TMEM117: variants seen among roughly 807,000 people sequenced by gnomAD.
TMEM117 encodes transmembrane protein 117.
In TMEM117, 27 loss-of-function variants were observed where a neutral mutation model predicts 52.4. The ratio of observed to expected loss-of-function variants is 0.51; its 90% CI spans 0.38 to 0.71. The LOEUF (loss-of-function observed/expected upper bound fraction) is 0.71. TMEM117 is among the 30% of genes least tolerant of loss of function. TMEM117 has a pLI of 0.00. For synonymous variants in TMEM117, 215 were observed against 206.3 expected, an observed-to-expected ratio of 1.04 and a Z score of -0.36; for missense variants, 556 against 630.5, an observed-to-expected ratio of 0.88 and a Z score of 1.26.
At chr12:43,946,708 T>C (rs1266892698) in intron 3 of TMEM117, among the ~76,000 whole-genome samples, 1 of 152,210 alleles carries the variant, frequency 6.6e-6, no homozygotes. Flanking sequence ...GTCCGATTGA[T>C]GGTTGACCCT....
intron 3 of TMEM117, among the ~76,000 whole-genome samples, chr12:43,976,993 G>T (rs1020975506): frequency 6.6e-6 from 1 of 152,170 alleles, no homozygotes; most frequent in Admixed American, 6.6e-5. Flanking sequence ...CCCACTAGGG[G>T]TATGTTAACC....
the TMEM117 span, among the ~76,000 whole-genome samples, chr12:44,398,410 G>A: frequency 0.013 from 1,951 of 152,260 alleles, 25 homozygotes; most frequent in South Asian, 0.026. Context: ...CCAAAGGAAA[G>A]CCATACAGAC....
intron 2 of TMEM117, among the ~76,000 whole-genome samples, chr12:43,893,816 T>G (rs1944150689): frequency 6.6e-6 from 1 of 152,222 alleles, no homozygotes; most frequent in Admixed American, 6.5e-5. Flanking sequence ...TTTTGTGGGT[T>G]AGAAATACAT....
intron 4 of TMEM117, among the ~76,000 whole-genome samples, chr12:44,181,145 T>C (rs1296019102): frequency 3.3e-5 from 5 of 150,254 alleles, no homozygotes; most frequent in African/African-American, 1.2e-4. Flanking sequence ...GCTGCATAAA[T>C]GTCTTCTTTT....
chr12:44,158,850 ATGT>A (rs1334886276), intron 4 of TMEM117, among the ~76,000 whole-genome samples: 1 of 152,204 alleles, frequency 6.6e-6, no homozygotes, highest in Non-Finnish European at 1.5e-5. Context: ...ATTATTGACC[ATGT>A]TGTCAGTGGC....
intron 3 of TMEM117, among the ~76,000 whole-genome samples, chr12:43,999,092 T>C (rs1332349529): frequency 6.6e-6 from 1 of 152,180 alleles, no homozygotes; most frequent in Non-Finnish European, 1.5e-5. Flanking sequence ...GAATGTAAAT[T>C]GGTACATTTT....
intron 2 of TMEM117, among the ~76,000 whole-genome samples, chr12:43,879,029 A>C (rs937295542): frequency 2.0e-5 from 3 of 152,206 alleles, no homozygotes; most frequent in Admixed American, 2.0e-4. Context: ...TGAATGAATA[A>C]GTTTGTCAAG....
intron 4 of TMEM117, among the ~76,000 whole-genome samples, chr12:44,146,226 C>T (rs1948640154): frequency 6.6e-6 from 1 of 152,142 alleles, no homozygotes; most frequent in Non-Finnish European, 1.5e-5. Flanking sequence ...AGCCTGTGAT[C>T]TTTGTCTCCT....
chr12:43,891,221 G>A (rs1399082376), intron 2 of TMEM117, among the ~76,000 whole-genome samples: 1 of 151,882 alleles, frequency 6.6e-6, no homozygotes, highest in Non-Finnish European at 1.5e-5. Context: ...CCATGTGTTA[G>A]GTATTCTTCA....
rs118134264 is a variant in TMEM117, at chr12:44,264,181, T to G, written c.609-35399T>G. 1.1e-3 allele frequency among the ~76,000 whole-genome samples: 165 copies of G among 152,268 alleles called. 1 individual carries two copies. The East Asian group carries it at 0.028, about 26-fold the overall frequency. On this transcript the variant is annotated intron_variant, in intron 5 of 7. Coordinates refer to ENST00000266534, the MANE Select transcript of TMEM117 (RefSeq NM_032256.3). ...CTATTTTTTTCTGACAAGTTTGTTT[T>G]TCTGTCTATTTGATCATTGTTTTTC... is the stretch of plus-strand genomic sequence containing the variant.
At chr12:44,244,128 G>A (rs976954833) in intron 5 of TMEM117, among the ~76,000 whole-genome samples, 1 of 151,794 alleles carries the variant, frequency 6.6e-6, no homozygotes, top group African/African-American at 2.4e-5. Context: ...CAATACTCTT[G>A]TATATATATC....
intron 6 of TMEM117, among the ~76,000 whole-genome samples, chr12:44,351,120 A>G (rs1164498155): frequency 6.6e-6 from 1 of 151,988 alleles, no homozygotes; most frequent in Non-Finnish European, 1.5e-5. Flanking sequence ...ATGATCAGTG[A>G]TGTTTTCATA....
At chr12:44,330,359 G>A (rs1030228353) in intron 6 of TMEM117, among the ~76,000 whole-genome samples, 1 of 151,868 alleles carries the variant, frequency 6.6e-6, no homozygotes, top group African/African-American at 2.4e-5. Context: ...ATGCTCTAAG[G>A]CAGCTCTGTC....
At chr12:43,814,525 A>G in the TMEM117 span, among the ~76,000 whole-genome samples, 11 of 152,036 alleles carry the variant, frequency 7.2e-5, no homozygotes, top group African/African-American at 2.7e-4. Flanking sequence ...ACTTGTCCAG[A>G]CTCTCGCTTG....
intron 6 of TMEM117, among the ~76,000 whole-genome samples, chr12:44,308,854 C>T (rs1418389213): frequency 6.6e-6 from 1 of 152,098 alleles, no homozygotes; most frequent in South Asian, 2.1e-4. Flanking sequence ...CTCCTGACGT[C>T]GTGATCCGCC....
At chr12:43,812,760 C>T in the TMEM117 span, among the ~76,000 whole-genome samples, 1 of 150,922 alleles carries the variant, frequency 6.6e-6, no homozygotes, top group Non-Finnish European at 1.5e-5. Context: ...AATCGCAGGA[C>T]TTTTGAGGCT....
At chr12:43,814,040 C>G in the TMEM117 span, among the ~76,000 whole-genome samples, 8 of 152,050 alleles carry the variant, frequency 5.3e-5, no homozygotes, top group African/African-American at 1.9e-4. Flanking sequence ...TGGAGATGGA[C>G]TAACGTGTTG....
chr12:43,835,566 C>T (rs1186899398), upstream of TMEM117, among the ~76,000 whole-genome samples: 6 of 152,148 alleles, frequency 3.9e-5, no homozygotes, highest in African/African-American at 1.4e-4. Flanking sequence ...CTCTCCCCAC[C>T]CCCACATCCC....
intron 6 of TMEM117, among the ~76,000 whole-genome samples, chr12:44,350,925 T>C (rs1160535888): frequency 6.6e-6 from 1 of 152,058 alleles, no homozygotes; most frequent in Non-Finnish European, 1.5e-5. Flanking sequence ...TTCTTAGATT[T>C]TGAGGAACCT....
Sources: gnomAD v4.1 joint callset for allele counts (sites outside exome capture counted in the v4.1 genomes callset) on GRCh38, gnomAD v4.1.1 for gene constraint, MANE v1.5 for transcripts, NCBI Gene and HGNC (gene_info 2026-07-23, HGNC 2026-07-21) for gene names.